Variants in ABCA13 observed in about 807,000 individuals in gnomAD.
ABCA13 encodes the protein ATP-binding cassette sub-family A member 13.
A neutral mutation model predicts 478.7 loss-of-function variants in ABCA13; 476 were observed. The ratio of observed to expected loss-of-function variants is 0.99; its 90% CI spans 0.92 to 1.07. ABCA13 has a LOEUF of 1.07. ABCA13 is among the 50% of genes least tolerant of loss of function. The probability of loss-of-function intolerance (pLI) is 0.00; values close to 1 mark genes in which losing one functional copy is unlikely to be tolerated. For synonymous variants in ABCA13, 2,252 were observed against 2,158.9 expected (o/e 1.04, Z -1.20); for missense variants, 6,060 against 5,910.6 (o/e 1.03, Z -0.83).
At chr7:48,342,616 T>C (rs191763537) in intron 29 of ABCA13, among the ~76,000 whole-genome samples, 3 of 152,284 alleles carry the variant, frequency 2.0e-5, no homozygotes, top group African/African-American at 7.2e-5. Context: ...TGGCCAAATA[T>C]CTTATATTTG....
At chr7:48,493,650 T>C in intron 48 of ABCA13, among the ~76,000 whole-genome samples, 1 of 152,204 alleles carries the variant, frequency 6.6e-6, no homozygotes, top group East Asian at 1.9e-4. Context: ...ATGCCAGTAA[T>C]GAAATGCCAC....
intron 60 of ABCA13, 140 bp from the exon 61 acceptor site, chr7:48,644,477 C>T (rs1795305627): frequency 1.1e-6 from 1 of 879,582 alleles, no homozygotes. Flanking sequence ...CATCAATAAG[C>T]ATTCATTGGA....
intron 59 of ABCA13, among the ~76,000 whole-genome samples, chr7:48,629,843 A>C (rs989230381): frequency 1.3e-5 from 2 of 151,942 alleles, no homozygotes; most frequent in African/African-American, 4.8e-5. Flanking sequence ...GGCTAGCCCA[A>C]AGTAAAAGGG....
rs1796767843 is a variant in ABCA13 at position 48,279,684 on chromosome 7, T to G, written c.8490T>G (p.Leu2830=). The change falls in exon 18 of 62, where the codon CTT becomes CTG. Residue 2830 remains leucine, a synonymous_variant. Coordinates refer to ENST00000435803, the MANE Select transcript of ABCA13 (RefSeq NM_152701.5). ...GAATAGCTCTCTGGAGGAAAGGACT[T>G]CTGTTTAACAACTCTGAATGGATAA... ...LSRIALWRKG[L]LFNNSEWITS... is the part of the protein sequence containing the mutation. 6.2e-7 allele frequency: 1 copy of G among 1,613,612 alleles called. No individual in the cohort carries two copies. The highest frequency in any genetic ancestry group is 1.7e-5 in the Admixed American group (1 of 60,006).
intron 59 of ABCA13, among the ~76,000 whole-genome samples, chr7:48,630,650 G>C (rs1297454197): frequency 6.6e-6 from 1 of 152,010 alleles, no homozygotes; most frequent in South Asian, 2.1e-4. Flanking sequence ...GAAATGATTT[G>C]TATTCCTTTG....
intron 23 of ABCA13, among the ~76,000 whole-genome samples, chr7:48,300,036 C>G (rs1235210345): frequency 6.6e-6 from 1 of 152,178 alleles, no homozygotes; most frequent in East Asian, 1.9e-4. Context: ...TCCATAAATG[C>G]ACATGTATCT....
intron 35 of ABCA13, among the ~76,000 whole-genome samples, chr7:48,385,316 C>T (rs1234524632): frequency 1.3e-5 from 2 of 152,122 alleles, no homozygotes; most frequent in African/African-American, 4.8e-5. Context: ...CCAAAAGGCC[C>T]CAGTGCATGT....
intron 59 of ABCA13, among the ~76,000 whole-genome samples, chr7:48,631,131 TCTTTTGCTTTGCAAAAGCC>T (rs1412059563): frequency 6.6e-6 from 1 of 152,088 alleles, no homozygotes; most frequent in Non-Finnish European, 1.5e-5. Context: ...GTTGATAGTT[TCTTTTGCTTTGCAAAAGCC>T]CTTCAGTTTA....
At position 48,372,497 on chromosome 7, in the gene ABCA13, GGTAA is replaced by G. The variant is rs754523707; in HGVS notation, c.11133+7_11133+10del. 4.7e-6 allele frequency: 7 copies of G among 1,491,760 alleles called. 1 individual carries two copies. In the South Asian group the frequency reaches 8.0e-5, roughly 17 times the overall value. 92.4% of individuals were successfully genotyped at this position (1,491,760 alleles called of 1,614,324 possible). On this transcript the variant is annotated splice_donor_variant and splice_donor_region_variant and intron_variant, in intron 33 of 61. Transcript: ENST00000435803. LOFTEE classifies it high-confidence loss of function. ...TAAGTTTTGTTAATCAGACATTTCT[GGTAA>G]GTAAGTTGTTTTGTAAAAAAAAAAA... is the stretch of plus-strand genomic sequence containing the variant.
intron 43 of ABCA13, among the ~76,000 whole-genome samples, chr7:48,460,035 C>T (rs935637341): frequency 2.4e-4 from 36 of 152,216 alleles, no homozygotes; most frequent in African/African-American, 8.4e-4. Flanking sequence ...CAAACTCTCT[C>T]TCTTTTTCTC....
chr7:48,563,875 G>T (rs1186726213), intron 55 of ABCA13, among the ~76,000 whole-genome samples: 1 of 150,640 alleles, frequency 6.6e-6, no homozygotes, highest in African/African-American at 2.4e-5. Context: ...ATAATTTGGA[G>T]GATTTCTAGC....
At position 48,309,950 on chromosome 7, in the gene ABCA13, C is replaced by G. The variant is rs145419735; in HGVS notation, c.9325C>G (p.Leu3109Val). 1 of 1,613,866 alleles carries G rather than the reference C, an allele frequency of 6.2e-7. No individual in the cohort carries two copies. The highest frequency in any genetic ancestry group is 2.2e-5 in the East Asian group (1 of 44,878). ...LEANISHSKV[L>V]FSALTVALSG... ...TAATCTCTGTGCTTTGAAACAGGTT[C>G]TCTTCAGTGCCCTCACCGTAGCTCT... Residue 3109 changes from leucine (L) to valine (V), a missense_variant, in exon 24 of 62, where the codon CTC becomes GTC. Physicochemically the swap from Leu to Val is conservative, Grantham distance 32. This residue lies in a region of ABCA13 where 4,423 missense variants were observed against 4,309.1 expected (regional missense o/e 1.03). Coordinates refer to ENST00000435803, the MANE Select transcript of ABCA13 (RefSeq NM_152701.5).
chr7:48,551,263 T>G (rs1356206588), intron 55 of ABCA13, among the ~76,000 whole-genome samples: 2 of 146,506 alleles, frequency 1.4e-5, no homozygotes, highest in Non-Finnish European at 3.0e-5. Context: ...TAGGGCTTAC[T>G]GACTGTTCAC....
chr7:48,339,212 A>C (rs1255375332), intron 29 of ABCA13, among the ~76,000 whole-genome samples: 1 of 152,204 alleles, frequency 6.6e-6, no homozygotes, highest in Non-Finnish European at 1.5e-5. Flanking sequence ...AGTTAGAGGA[A>C]GGCAAGACAT....
intron 58 of ABCA13, among the ~76,000 whole-genome samples, chr7:48,599,696 A>T (rs1305504998): frequency 3.3e-5 from 5 of 152,168 alleles, no homozygotes; most frequent in Admixed American, 3.3e-4. Context: ...TCCACTGTGT[A>T]GTGTGAAAGC....
intron 42 of ABCA13, among the ~76,000 whole-genome samples, chr7:48,438,044 A>G (rs1253076287): frequency 6.6e-6 from 1 of 152,060 alleles, no homozygotes; most frequent in Non-Finnish European, 1.5e-5. Context: ...GTTGCCCACC[A>G]AATGCCTTCC....
chr7:48,512,706 A>C (rs770820677), intron 51 of ABCA13, among the ~76,000 whole-genome samples: 3 of 152,304 alleles, frequency 2.0e-5, no homozygotes, highest in Non-Finnish European at 2.9e-5. Context: ...AATTTTTATT[A>C]GTTGTTTTGA....
chr7:48,324,779 G>A (rs558408844), intron 27 of ABCA13, among the ~76,000 whole-genome samples: 1 of 152,282 alleles, frequency 6.6e-6, no homozygotes, highest in Admixed American at 6.5e-5. Flanking sequence ...TCACATGCAT[G>A]GCGTTTGTTC....
At chr7:48,304,403 C>A (rs1051525658) in intron 23 of ABCA13, among the ~76,000 whole-genome samples, 4 of 152,248 alleles carry the variant, frequency 2.6e-5, no homozygotes, top group African/African-American at 9.6e-5. Flanking sequence ...CCCCACACTG[C>A]TTTCTGCAGT....
Sources: gnomAD v4.1 joint callset for allele counts (sites outside exome capture counted in the v4.1 genomes callset) on GRCh38, gnomAD v4.1.1 for gene constraint, gnomAD v4.1.1 regional missense constraint, MANE v1.5 for transcripts, NCBI Gene and HGNC (gene_info 2026-07-23, HGNC 2026-07-21) for gene names.